The following OR3A2 variants were observed in gnomAD, a reference collection of about 807,000 sequenced individuals.
OR3A2 encodes olfactory receptor 3A2.
For synonymous variants in OR3A2, 126 were observed against 159.3 expected (o/e 0.79, Z 1.57); for missense variants, 318 against 392.8 (o/e 0.81, Z 1.61).
chr17:3,371,826 G>T (rs1440679674), intron 2 of OR3A2, among the ~76,000 whole-genome samples: 2 of 120,756 alleles, frequency 1.7e-5, no homozygotes, highest in Non-Finnish European at 3.4e-5. Context: ...GCGGGGGGCT[G>T]ACCTCCCCAC....
rs147465806 is a variant in OR3A2, at chr17:3,306,228, C to T, written c.-84-27075G>A. Reference sequence around the variant, plus strand: ...ATTCTATGGCGCCATCATAGCTCAACGCAGCCTCAAACTCCTGGCCTCAAG... The same window carrying T: ...ATTCTATGGCGCCATCATAGCTCAATGCAGCCTCAAACTCCTGGCCTCAAG... On this transcript the variant is annotated intron_variant, in intron 3 of 4. Transcript: ENST00000573491. 4.4e-4 allele frequency among the ~76,000 whole-genome samples: 67 copies of T among 152,202 alleles called. 1 individual carries two copies. In the East Asian group the frequency reaches 8.7e-3, roughly 20 times the overall value.
intron 2 of OR3A2, among the ~76,000 whole-genome samples, chr17:3,351,631 C>T (rs2049420986): frequency 7.3e-6 from 1 of 137,646 alleles, no homozygotes; most frequent in Admixed American, 7.6e-5. Context: ...AGATTCAATG[C>T]CATCCCCATC....
At chr17:3,331,823 G>GT (rs1317427175) in intron 3 of OR3A2, among the ~76,000 whole-genome samples, 2 of 151,702 alleles carry the variant, frequency 1.3e-5, no homozygotes, top group East Asian at 1.9e-4. Flanking sequence ...TTTCTGTTCT[G>GT]TTTTTTCCCC....
intron 3 of OR3A2, among the ~76,000 whole-genome samples, chr17:3,295,623 C>G (rs959329450): frequency 5.3e-5 from 8 of 151,874 alleles, no homozygotes; most frequent in Non-Finnish European, 1.2e-4. Flanking sequence ...GTGGGCCAAG[C>G]TCATCTAGTA....
chr17:3,288,246 C>CAAAAAAAAAAAAAAAAAAAAGAA, upstream of OR3A2, among the ~76,000 whole-genome samples: 1 of 73,482 alleles, frequency 1.4e-5, no homozygotes, highest in Admixed American at 1.4e-4. Context: ...ACCAAAAGGG[C>CAAAAAAAAAAAAAAAAAAAAGAA]AAAAAAAAAA....
chr17:3,285,485 G>C (rs182733311), upstream of OR3A2, among the ~76,000 whole-genome samples: 15 of 152,080 alleles, frequency 9.9e-5, no homozygotes, highest in Non-Finnish European at 1.9e-4. Flanking sequence ...CATATGAATT[G>C]ATAACAATTA....
At chr17:3,376,167 C>A (rs1409497657) in intron 2 of OR3A2, among the ~76,000 whole-genome samples, 3 of 152,206 alleles carry the variant, frequency 2.0e-5, no homozygotes, top group Admixed American at 2.0e-4. Flanking sequence ...ATTGTTTTCT[C>A]CTTCTTTGGA....
chr17:3,291,785 A>G (rs924401213), intron 3 of OR3A2: 1 of 1,613,620 alleles, frequency 6.2e-7, no homozygotes, highest in Non-Finnish European at 8.5e-7. Flanking sequence ...GCTTGGTTGA[A>G]CCCAGTCGCA....
intron 3 of OR3A2, among the ~76,000 whole-genome samples, chr17:3,309,131 C>T (rs1411865883): frequency 1.3e-5 from 2 of 152,112 alleles, no homozygotes; most frequent in Non-Finnish European, 2.9e-5. Context: ...GTCTCGAACT[C>T]CTGACCTCAG....
chr17:3,374,342 T>C (rs781194202), intron 2 of OR3A2, among the ~76,000 whole-genome samples: 3 of 152,232 alleles, frequency 2.0e-5, no homozygotes, highest in Non-Finnish European at 4.4e-5. Flanking sequence ...GTCATCTAGA[T>C]GTCTAGTAAG....
intron 3 of OR3A2, among the ~76,000 whole-genome samples, chr17:3,300,632 A>C (rs976770169): frequency 6.6e-6 from 1 of 152,198 alleles, no homozygotes; most frequent in Non-Finnish European, 1.5e-5. Context: ...TATTGGCCTA[A>C]ATGAAGAAAC....
intron 2 of OR3A2, among the ~76,000 whole-genome samples, chr17:3,368,143 C>G (rs892056116): frequency 7.9e-5 from 12 of 152,130 alleles, no homozygotes; most frequent in African/African-American, 2.9e-4. Flanking sequence ...AGTGCTTTAT[C>G]AGATGCATAG....
chr17:3,276,216 C>T (rs138211493), downstream of OR3A2, among the ~76,000 whole-genome samples: 828 of 151,852 alleles, frequency 5.5e-3, 6 homozygotes, highest in Middle Eastern at 0.031. Flanking sequence ...TTGTGACTTA[C>T]ATGTTTAATG....
intron 2 of OR3A2, among the ~76,000 whole-genome samples, chr17:3,347,671 T>C (rs2049378832): frequency 6.6e-6 from 1 of 152,224 alleles, no homozygotes; most frequent in Non-Finnish European, 1.5e-5. Flanking sequence ...TGGTTCCAAG[T>C]CCTTGCTATT....
In OR3A2 at chr17:3,311,284, T is replaced by C. The variant is rs1489395241; in HGVS notation, c.-85+24749A>G. The C allele has an allele frequency of 1.9e-6, 1 of 535,126 alleles. No individual in the cohort carries two copies. Among genetic ancestry groups the C allele is most frequent in the Non-Finnish European group, 3.8e-6 (1 of 260,432 alleles). The allele number at this position is 535,126 out of a possible 1,614,324, so 33.1% of individuals were successfully genotyped here. ...CCAGTGCAGAGTTCCCTATGCTGCCTGCAGTTCACAGCTCTTCTTTCCCCA... is the reference window on the plus strand; with the variant it reads ...CCAGTGCAGAGTTCCCTATGCTGCCCGCAGTTCACAGCTCTTCTTTCCCCA... On this transcript the variant is annotated intron_variant, in intron 3 of 4. Transcript: ENST00000573491. The surrounding 1 kb of genome is among the most constrained non-coding windows in gnomAD (Gnocchi z 4.6).
intron 2 of OR3A2, among the ~76,000 whole-genome samples, chr17:3,374,672 G>A (rs1437715026): frequency 6.6e-6 from 1 of 152,076 alleles, no homozygotes; most frequent in Non-Finnish European, 1.5e-5. Context: ...TTTCTCTGGA[G>A]ACATTTTCCC....
intron 2 of OR3A2, among the ~76,000 whole-genome samples, chr17:3,364,993 C>CT (rs138273547): frequency 6.6e-6 from 1 of 151,430 alleles, no homozygotes; most frequent in Middle Eastern, 3.4e-3. Context: ...ATAGAGAATG[C>CT]TTTTTTTAAG....
intron 3 of OR3A2, chr17:3,310,999 G>T: frequency 1.8e-6 from 1 of 550,452 alleles, no homozygotes; most frequent in Non-Finnish European, 3.7e-6. Flanking sequence ...GCAGTCCTGC[G>T]AATCCGCTCT....
intron 2 of OR3A2, among the ~76,000 whole-genome samples, chr17:3,338,908 G>C (rs979391796): frequency 6.6e-6 from 1 of 152,204 alleles, no homozygotes; most frequent in Admixed American, 6.5e-5. Context: ...AGCATGGAAT[G>C]TTCTTCCATT....
Sources: gnomAD v4.1 joint callset for allele counts (sites outside exome capture counted in the v4.1 genomes callset) on GRCh38, gnomAD v4.1.1 for gene constraint, Gnocchi (gnomAD v3.1) non-coding constraint, MANE v1.5 for transcripts, NCBI Gene and HGNC (gene_info 2026-07-23, HGNC 2026-07-21) for gene names.